SARNP: variants seen among roughly 807,000 people sequenced by gnomAD.
SARNP encodes SAP domain-containing ribonucleoprotein.
A neutral mutation model predicts 38.1 loss-of-function variants in SARNP; 5 were observed. That is an observed-to-expected ratio of 0.13 (90% CI 0.07 to 0.28). The LOEUF is 0.28. Among genes scored for constraint, SARNP ranks in the 10% least tolerant of loss-of-function variants. SARNP has a pLI of 1.00. For missense variants in SARNP, 180 were observed against 243.9 expected, an observed-to-expected ratio of 0.74 and a Z score of 1.75; for synonymous variants, 84 against 80.6, an observed-to-expected ratio of 1.04 and a Z score of -0.23.
chr12:55,806,989 C>T (rs780265316), intron 1 of SARNP, among the ~76,000 whole-genome samples: 3 of 152,094 alleles, frequency 2.0e-5, no homozygotes, highest in Non-Finnish European at 4.4e-5. Flanking sequence ...ACAGTGGTCT[C>T]GCCATGTTGC....
chr12:55,774,883 G>GTTTTTTTTTTTTTTTTTTTTTTTTTTTT (rs367957447), intron 9 of SARNP, among the ~76,000 whole-genome samples: 1 of 110,736 alleles, frequency 9.0e-6, no homozygotes. Context: ...ATTTCTATTT[G>GTTTTTTTTTTTTTTTTTTTTTTTTTTTT]TTTTTTTTTT....
chr12:55,806,488 T>C (rs1880147713), intron 1 of SARNP, among the ~76,000 whole-genome samples: 1 of 152,150 alleles, frequency 6.6e-6, no homozygotes, highest in Non-Finnish European at 1.5e-5. Flanking sequence ...TTGACTAGGC[T>C]GGTCTCAAAC....
intron 9 of SARNP, among the ~76,000 whole-genome samples, chr12:55,774,571 A>C (rs867676493): frequency 0.12 from 9,604 of 82,968 alleles, 527 homozygotes; most frequent in South Asian, 0.15. Flanking sequence ...AAAAAAAAAA[A>C]AAACAAACAA....
chr12:55,795,077 A>G lies in SARNP; in HGVS notation c.304-197T>C, dbSNP rs117310262. ...TGGGTTCGAGCGATTCTCGTGGCTC[A>G]GCCTCCTGAGTAGCTGGGATTACAG... On this transcript the variant is annotated intron_variant, in intron 5 of 10. Coordinates refer to ENST00000336133, the MANE Select transcript of SARNP (RefSeq NM_033082.4). Among the ~76,000 whole-genome samples the G allele has an allele frequency of 1.2e-3, 175 of 151,742 alleles. 7 individuals are homozygous for G. Among genetic ancestry groups the G allele is most frequent in the Admixed American group, 7.5e-3 (114 of 15,222 alleles).
chr12:55,767,133 A>G (rs1878861979), intron 9 of SARNP, among the ~76,000 whole-genome samples: 1 of 152,248 alleles, frequency 6.6e-6, no homozygotes, highest in Non-Finnish European at 1.5e-5. Flanking sequence ...TATAAAAGGT[A>G]TTCAATAAAT....
chr12:55,772,569 G>T (rs934780862), intron 9 of SARNP, among the ~76,000 whole-genome samples: 1 of 152,094 alleles, frequency 6.6e-6, no homozygotes, highest in Non-Finnish European at 1.5e-5. Context: ...AAATGAAGGT[G>T]TCACACTTGA....
intron 9 of SARNP, among the ~76,000 whole-genome samples, chr12:55,785,488 T>C (rs1343767599): frequency 6.6e-6 from 1 of 152,072 alleles, no homozygotes; most frequent in Admixed American, 6.6e-5. Flanking sequence ...ACAATTTTTT[T>C]TTTTTTAAGA....
At chr12:55,813,092 C>A (rs1045793449) in intron 1 of SARNP, among the ~76,000 whole-genome samples, 1 of 151,916 alleles carries the variant, frequency 6.6e-6, no homozygotes, top group African/African-American at 2.4e-5. Flanking sequence ...ATTACAAGTG[C>A]GCGCCACCAG....
chr12:55,814,606 A>C (rs759209665), intron 1 of SARNP, among the ~76,000 whole-genome samples: 1 of 152,158 alleles, frequency 6.6e-6, no homozygotes, highest in Non-Finnish European at 1.5e-5. Context: ...GTGGTGGCTC[A>C]TGCCTATAAT....
At chr12:55,800,338 A>C (rs1435725570) in intron 4 of SARNP, among the ~76,000 whole-genome samples, 1 of 152,198 alleles carries the variant, frequency 6.6e-6, no homozygotes, top group African/African-American at 2.4e-5. Flanking sequence ...CTGGTCTTGA[A>C]GTCACCTGGT....
rs1396676747 is a variant in SARNP, at chr12:55,816,720, GA to G, written c.36+945del. Among the ~76,000 whole-genome samples the G allele has an allele frequency of 4.6e-5, 7 of 152,238 alleles. No homozygotes were observed. In the South Asian group the frequency reaches 8.3e-4, roughly 18 times the overall value. On this transcript the variant is annotated intron_variant, in intron 1 of 10. Transcript: ENST00000336133. ...AAACCACAAACAGACAATTACTCAAGATATCTTAATTTACCCTAAAAGAAAA... is the reference window on the plus strand; with the variant it reads ...AAACCACAAACAGACAATTACTCAAGTATCTTAATTTACCCTAAAAGAAAA...
intron 9 of SARNP, among the ~76,000 whole-genome samples, chr12:55,765,921 G>C (rs1016477797): frequency 6.6e-6 from 1 of 152,028 alleles, no homozygotes; most frequent in African/African-American, 2.4e-5. Flanking sequence ...CTAGCGTGAC[G>C]GTGTTGCATG....
chr12:55,799,418 T>C (rs1303446748), intron 4 of SARNP, among the ~76,000 whole-genome samples: 1 of 152,142 alleles, frequency 6.6e-6, no homozygotes. Context: ...CAAATCAAGA[T>C]CTACTTTCCA....
intron 9 of SARNP, among the ~76,000 whole-genome samples, chr12:55,780,820 G>C (rs950368635): frequency 6.6e-6 from 1 of 152,212 alleles, no homozygotes; most frequent in Non-Finnish European, 1.5e-5. Flanking sequence ...TCACATACCC[G>C]AGCAGAACAG....
At chr12:55,789,247 C>T in intron 8 of SARNP, 104 bp from the exon 9 acceptor site, 2 of 724,826 alleles carry the variant, frequency 2.8e-6, no homozygotes, top group Admixed American at 2.9e-5. Flanking sequence ...AAGCCTATAA[C>T]ATCAAAGACA....
chr12:55,789,607 T>C (rs1430619863), intron 8 of SARNP, among the ~76,000 whole-genome samples: 1 of 152,180 alleles, frequency 6.6e-6, no homozygotes, highest in African/African-American at 2.4e-5. Context: ...TCTTCCCTCC[T>C]CTTTCTTGGA....
intron 9 of SARNP, among the ~76,000 whole-genome samples, chr12:55,775,305 T>G (rs1251011028): frequency 2.9e-5 from 4 of 139,686 alleles, no homozygotes; most frequent in Non-Finnish European, 4.6e-5. Context: ...ACGCCTGTAA[T>G]CCCCAGCACT....
chr12:55,817,533 A>T, intron 1 of SARNP, 133 bp downstream of exon 1: 1 of 794,348 alleles, frequency 1.3e-6, no homozygotes, highest in Non-Finnish European at 2.0e-6. Flanking sequence ...GGGTGGCACA[A>T]AAGAGCTACG....
At chr12:55,803,583 T>C in intron 2 of SARNP, 46 bp downstream of exon 2, 2 of 1,191,924 alleles carry the variant, frequency 1.7e-6, no homozygotes, top group South Asian at 1.5e-5. Flanking sequence ...TGTCAAAGCC[T>C]GAAAATCCCC....
Sources: allele counts gnomAD v4.1 joint callset (sites outside exome capture counted in the v4.1 genomes callset), GRCh38; gene constraint gnomAD v4.1.1; transcripts MANE v1.5; gene names NCBI Gene and HGNC (gene_info 2026-07-23, HGNC 2026-07-21).